RBM22: variants seen among roughly 807,000 people sequenced by gnomAD.
RBM22 encodes RNA binding motif protein 22.
In RBM22, 1 loss-of-function variant was observed where a neutral mutation model predicts 50.1. The observed-to-expected ratio is 0.02, with a 90% CI of 0.01 to 0.09. The LOEUF (loss-of-function observed/expected upper bound fraction) is 0.09. Among genes scored for constraint, RBM22 ranks in the 10% least tolerant of loss-of-function variants. The pLI is 1.00. For synonymous variants in RBM22, 152 were observed against 179.0 expected (o/e 0.85, Z 1.20); for missense variants, 264 against 529.3 (o/e 0.50, Z 4.92).
chr5:150,695,409 G>C, intron 7 of RBM22, 97 bp downstream of exon 7: 2 of 1,078,580 alleles, frequency 1.9e-6, no homozygotes, highest in Non-Finnish European at 2.7e-6. Context: ...ACAGAAAAAT[G>C]TATTTTGTAC....
rs766340552 is a variant in RBM22, at chr5:150,695,553, T to C, written c.699A>G (p.Thr233=). 2.1e-5 allele frequency: 34 copies of C among 1,613,814 alleles called. No individual in the cohort carries two copies. The highest frequency in any genetic ancestry group is 2.6e-5 in the Non-Finnish European group (31 of 1,179,928). ...LDPPEDKTIT[T]LYVGGLGDTI... is the part of the protein sequence containing the mutation. ...TATCACCTAGACCACCAACATATAG[T>C]GTGGTGATAGTTTTATCCTCTGGTG... Residue 233 remains threonine (T), a synonymous_variant, in exon 7 of 11, where the codon ACA becomes ACG. Transcript: ENST00000199814.
intron 10 of RBM22, 83 bp downstream of exon 10, chr5:150,692,812 G>A: frequency 1.5e-6 from 2 of 1,372,994 alleles, no homozygotes; most frequent in South Asian, 2.8e-5. Flanking sequence ...ACAGGATTTG[G>A]ATGTGTTGAA....
rs1256214896 is a variant in RBM22 at position 150,693,253 on chromosome 5, C to T, written c.966G>A (p.Gly322=). Residue 322 remains glycine (G), a synonymous_variant, in exon 9 of 11, where the codon GGG becomes GGA. Coordinates refer to ENST00000199814, the MANE Select transcript of RBM22 (RefSeq NM_018047.3). The part of the protein sequence containing the change: ...EKEKDGTTDS[G]IKLEPVPGLP... ...ATCCTGGAACAGGTTCTAGTTTGAT[C>T]CCAGAGTCTGTAGTTCCATCTTTCT... 3 of 1,614,090 alleles carry T rather than the reference C, an allele frequency of 1.9e-6. No individual in the cohort carries two copies. The South Asian group carries it at 3.3e-5, about 18-fold the overall frequency.
chr5:150,698,701 ACGGGG>A, intron 3 of RBM22, 70 bp from the exon 4 acceptor site: 1 of 1,552,932 alleles, frequency 6.4e-7, no homozygotes, highest in Non-Finnish European at 8.7e-7. Context: ...TCTGATAACA[ACGGGG>A]CATTCAAAAA....
At chr5:150,698,468 C>T (rs367720976) in intron 4 of RBM22, 31 bp downstream of exon 4, 300 of 1,609,290 alleles carry the variant, frequency 1.9e-4, no homozygotes, top group Non-Finnish European at 2.5e-4. Context: ...CACCTGCACA[C>T]TTTCAGATTT....
At chr5:150,695,384 A>G (rs1248860539) in intron 7 of RBM22, 122 bp downstream of exon 7, 1 of 869,470 alleles carries the variant, frequency 1.2e-6, no homozygotes, top group Non-Finnish European at 1.8e-6. Context: ...GCATGATACT[A>G]ACAATAGAGA....
intron 6 of RBM22, among the ~76,000 whole-genome samples, chr5:150,695,984 C>T (rs1759271558): frequency 6.7e-6 from 1 of 148,664 alleles, no homozygotes; most frequent in African/African-American, 2.5e-5. Flanking sequence ...GATCCACCCC[C>T]TCCCGCCCCC....
rs1159136948 is a variant in RBM22, at chr5:150,692,927, G to A, written c.1100C>T (p.Pro367Leu). The change falls in exon 10 of 11, where the codon CCG (proline) becomes CTG (leucine). Residue 367 changes from proline (P) to leucine (L), a missense_variant. This residue lies in a region of RBM22 where 106 missense variants were observed against 137.1 expected (regional missense o/e 0.77). Transcript: ENST00000199814. ...TGGGGGTGGAGCAATGCCAGGGGGC[G>A]GTGGCAGAGCAATGTTCACCACAGC... ...PPAVVNIALP[P>L]PPGIAPPPPP... The A allele has an allele frequency of 5.0e-6, 8 of 1,612,136 alleles. 1 individual carries two copies. Among genetic ancestry groups the A allele is most frequent in the Admixed American group, 3.3e-5 (2 of 59,708 alleles).
At chr5:150,700,530 C>A in intron 1 of RBM22, 33 bp from the exon 2 acceptor site, 2 of 1,613,912 alleles carry the variant, frequency 1.2e-6, no homozygotes, top group Non-Finnish European at 1.7e-6. Context: ...TTGAGGACCA[C>A]CCTCCGAAGA....
chr5:150,691,323 C>T lies in RBM22; in HGVS notation c.*428G>A, dbSNP rs1759205146. The T allele has an allele frequency of 6.6e-6, 1 of 152,530 alleles. No individual in the cohort carries two copies. The highest frequency in any genetic ancestry group is 1.5e-5 in the Non-Finnish European group (1 of 68,268). The allele number at this position is 152,530 out of a possible 1,614,324, so 9.4% of individuals were successfully genotyped here. ...CACTACAATGATTAGTACTAGTTATCTTTTTTTAAGATGATAAAAAGGAAA... is the reference window on the plus strand; with the variant it reads ...CACTACAATGATTAGTACTAGTTATTTTTTTTTAAGATGATAAAAAGGAAA... On this transcript the variant is annotated 3_prime_UTR_variant, in exon 11 of 11. Transcript: ENST00000199814.
At chr5:150,698,969 C>T (rs889816485) in intron 3 of RBM22, among the ~76,000 whole-genome samples, 1 of 152,154 alleles carries the variant, frequency 6.6e-6, no homozygotes, top group African/African-American at 2.4e-5. Flanking sequence ...TCCTCCTCAG[C>T]TAAAATGCTC....
At chr5:150,699,467 T>G (rs1315101400) in intron 2 of RBM22, among the ~76,000 whole-genome samples, 196 bp from the exon 3 acceptor site, 1 of 152,114 alleles carries the variant, frequency 6.6e-6, no homozygotes, top group African/African-American at 2.4e-5. Flanking sequence ...AACAACATAT[T>G]ATAAGTGATA....
intron 7 of RBM22, 115 bp from the exon 8 acceptor site, chr5:150,694,355 T>C: frequency 7.0e-7 from 1 of 1,430,260 alleles, no homozygotes; most frequent in Non-Finnish European, 9.2e-7. Context: ...GCCCCAAGGT[T>C]ATCTGCCTAA....
intron 4 of RBM22, chr5:150,697,715 T>C: frequency 2.8e-6 from 1 of 357,902 alleles, no homozygotes; most frequent in Non-Finnish European, 5.4e-6. Flanking sequence ...TTAACATACA[T>C]AAACTCATAT....
intron 2 of RBM22, among the ~76,000 whole-genome samples, chr5:150,699,638 G>A (rs1047816886): frequency 6.6e-6 from 1 of 152,162 alleles, no homozygotes; most frequent in South Asian, 2.1e-4. Flanking sequence ...AAGAAATAGA[G>A]TATATGCATC....
Position 150,691,706 on chromosome 5 carries a change from T to C in RBM22, c.*45A>G. ...TTTATTCCAAGATTTACTGGGAGTTTTAAGTGCCCTTTCTTCCACAGAGCC... is the reference window on the plus strand; with the variant it reads ...TTTATTCCAAGATTTACTGGGAGTTCTAAGTGCCCTTTCTTCCACAGAGCC... On this transcript the variant is annotated 3_prime_UTR_variant, in exon 11 of 11. Coordinates refer to ENST00000199814, the MANE Select transcript of RBM22 (RefSeq NM_018047.3). The C allele has an allele frequency of 6.9e-7, 1 of 1,446,500 alleles. No homozygotes were observed. Among genetic ancestry groups the C allele is most frequent in the Non-Finnish European group, 9.2e-7 (1 of 1,092,058 alleles). 89.6% of individuals were successfully genotyped at this position (1,446,500 alleles called of 1,614,324 possible). A position where few individuals can be genotyped will look rare whatever the true frequency, so the allele number is the denominator to read the frequency against.
chr5:150,699,563 T>C (rs990036233), intron 2 of RBM22, among the ~76,000 whole-genome samples: 14 of 152,336 alleles, frequency 9.2e-5, no homozygotes, highest in African/African-American at 3.1e-4. Context: ...GGTGGAAGGA[T>C]TGCTTGAGCC....
At chr5:150,700,739 G>A in intron 1 of RBM22, 193 bp downstream of exon 1, 2 of 1,538,768 alleles carry the variant, frequency 1.3e-6, no homozygotes, top group Non-Finnish European at 1.7e-6. Flanking sequence ...GCTGGTCCCG[G>A]GACCCTGGCT....
At chr5:150,700,360 TTGTC>T in intron 2 of RBM22, 80 bp downstream of exon 2, 2 of 1,351,240 alleles carry the variant, frequency 1.5e-6, no homozygotes, top group Admixed American at 2.0e-5. Context: ...TTTTTTCTGC[TTGTC>T]TAAGAGAAAC....
Sources: gnomAD v4.1 joint callset for allele counts (sites outside exome capture counted in the v4.1 genomes callset) on GRCh38, gnomAD v4.1.1 for gene constraint, gnomAD v4.1.1 regional missense constraint, MANE v1.5 for transcripts, NCBI Gene and HGNC (gene_info 2026-07-23, HGNC 2026-07-21) for gene names.